RGS6: variants seen among roughly 807,000 people sequenced by gnomAD.
RGS6 encodes the protein regulator of G-protein signaling 6.
In RGS6, 30 loss-of-function variants were observed where a neutral mutation model predicts 78.5. That is an observed-to-expected ratio of 0.38 (90% confidence interval 0.29 to 0.52). The LOEUF is 0.52. RGS6 is among the 20% of genes least tolerant of loss of function. RGS6 has a pLI of 0.85. For missense variants in RGS6, 495 were observed against 609.7 expected (o/e 0.81, Z 1.98); for synonymous variants, 206 against 206.0 (o/e 1.00, Z 0.00).
the RGS6 span, among the ~76,000 whole-genome samples, chr14:72,585,689 G>T: frequency 6.6e-6 from 1 of 152,212 alleles, no homozygotes; most frequent in East Asian, 1.9e-4. Flanking sequence ...GGAGCTAGAG[G>T]AATAAGTCCT....
At chr14:72,267,153 G>C (rs897380010) in intron 2 of RGS6, among the ~76,000 whole-genome samples, 6 of 152,144 alleles carry the variant, frequency 3.9e-5, no homozygotes, top group Non-Finnish European at 7.3e-5. Context: ...GTTTCACCAT[G>C]TTGGCCAGGC....
intron 2 of RGS6, among the ~76,000 whole-genome samples, chr14:72,013,514 G>A (rs974731210): frequency 6.6e-6 from 1 of 152,176 alleles, no homozygotes; most frequent in African/African-American, 2.4e-5. Flanking sequence ...AATGAAGGAA[G>A]AATTAGTCTT....
intron 12 of RGS6, 37 bp downstream of exon 12, chr14:72,478,366 A>C (rs1297272240): frequency 7.3e-7 from 1 of 1,360,870 alleles, no homozygotes; most frequent in Non-Finnish European, 1.0e-6. Flanking sequence ...ACTTTCTTCT[A>C]ATTTAACAGG....
chr14:71,910,007 A>T, the RGS6 span, among the ~76,000 whole-genome samples: 4 of 151,964 alleles, frequency 2.6e-5, no homozygotes, highest in Admixed American at 1.3e-4. Flanking sequence ...GGGCAACATG[A>T]TGAAACACTA....
chr14:72,546,120 C>T (rs1187030395), intron 17 of RGS6, among the ~76,000 whole-genome samples: 1 of 152,218 alleles, frequency 6.6e-6, no homozygotes, highest in African/African-American at 2.4e-5. Flanking sequence ...CAGCTTGTTG[C>T]TGTCCTCTTT....
At chr14:72,592,813 G>A in the RGS6 span, among the ~76,000 whole-genome samples, 1 of 152,172 alleles carries the variant, frequency 6.6e-6, no homozygotes, top group Non-Finnish European at 1.5e-5. Context: ...GAGATAAGTT[G>A]CCTGGCTGCT....
intron 2 of RGS6, among the ~76,000 whole-genome samples, chr14:71,998,454 A>T (rs554776970): frequency 6.6e-6 from 1 of 152,248 alleles, no homozygotes; most frequent in Non-Finnish European, 1.5e-5. Context: ...CTAAGGTCAG[A>T]GTACATCCCT....
At chr14:71,984,618 G>A (rs1006961913) in intron 2 of RGS6, among the ~76,000 whole-genome samples, 2 of 152,180 alleles carry the variant, frequency 1.3e-5, no homozygotes, top group African/African-American at 4.8e-5. Flanking sequence ...GATTCCAGGT[G>A]ATGGGAGCTA....
intron 3 of RGS6, among the ~76,000 whole-genome samples, chr14:72,387,706 C>T (rs904869119): frequency 1.3e-5 from 2 of 152,178 alleles, no homozygotes; most frequent in African/African-American, 4.8e-5. Flanking sequence ...TATAAGTCTT[C>T]ACAGTGGGAA....
At chr14:72,554,731 C>T (rs1186824430) in intron 17 of RGS6, among the ~76,000 whole-genome samples, 1 of 152,092 alleles carries the variant, frequency 6.6e-6, no homozygotes, top group African/African-American at 2.4e-5. Context: ...GTTGTTCCGT[C>T]AGATGAGAGG....
intron 2 of RGS6, among the ~76,000 whole-genome samples, chr14:72,113,156 G>A (rs1217208842): frequency 2.6e-5 from 4 of 152,182 alleles, no homozygotes; most frequent in Admixed American, 2.0e-4. Flanking sequence ...AGTAGCTGGG[G>A]CAAGCCCCCC....
chr14:72,352,013 T>G, intron 2 of RGS6, 82 bp from the exon 3 acceptor site: 1 of 961,112 alleles, frequency 1.0e-6, no homozygotes, highest in South Asian at 1.7e-5. Flanking sequence ...TCCATGTTTA[T>G]ACATTTGGGC....
chr14:71,876,682 G>T, the RGS6 span, among the ~76,000 whole-genome samples: 4 of 151,538 alleles, frequency 2.6e-5, no homozygotes, highest in East Asian at 3.9e-4. Context: ...TACATTTAAG[G>T]TTAATATTGT....
intron 3 of RGS6, among the ~76,000 whole-genome samples, chr14:72,383,741 A>C (rs2086967397): frequency 1.3e-5 from 2 of 152,014 alleles, no homozygotes. Context: ...TTTATCCTCT[A>C]CTGGTGAAGA....
chr14:71,959,076 G>C (rs2093005957), intron 1 of RGS6, among the ~76,000 whole-genome samples: 1 of 152,076 alleles, frequency 6.6e-6, no homozygotes, highest in African/African-American at 2.4e-5. Context: ...TTAAGATCTT[G>C]GTGCATTACC....
At chr14:72,501,066 G>A (rs1410822304) in intron 13 of RGS6, among the ~76,000 whole-genome samples, 1 of 152,158 alleles carries the variant, frequency 6.6e-6, no homozygotes, top group South Asian at 2.1e-4. Flanking sequence ...CAGTGAGAAT[G>A]CAGGACTCCC....
At chr14:72,344,435 C>G (rs1280675556) in intron 2 of RGS6, among the ~76,000 whole-genome samples, 2 of 152,102 alleles carry the variant, frequency 1.3e-5, no homozygotes, top group Non-Finnish European at 2.9e-5. Flanking sequence ...ATGAAATCTT[C>G]AGATTTTTGT....
chr14:71,935,274 T>G (rs978995914), intron 1 of RGS6, among the ~76,000 whole-genome samples: 8 of 152,312 alleles, frequency 5.3e-5, no homozygotes, highest in African/African-American at 1.9e-4. Context: ...ATTGAAACAG[T>G]TCAGGAAAAT....
At chr14:72,104,300 C>T (rs2095588216) in intron 2 of RGS6, among the ~76,000 whole-genome samples, 1 of 152,144 alleles carries the variant, frequency 6.6e-6, no homozygotes, top group South Asian at 2.1e-4. Context: ...TGATTCTTAC[C>T]ACTGCAGTGT....
Sources: gnomAD v4.1 joint callset for allele counts (sites outside exome capture counted in the v4.1 genomes callset) on GRCh38, gnomAD v4.1.1 for gene constraint, MANE v1.5 for transcripts, NCBI Gene and HGNC (gene_info 2026-07-23, HGNC 2026-07-21) for gene names.